AP2A2: variants seen among roughly 807,000 people sequenced by gnomAD.
AP2A2 encodes AP-2 complex subunit alpha-2.
A neutral mutation model predicts 104.2 loss-of-function variants in AP2A2; 32 were observed. The ratio of observed to expected loss-of-function variants is 0.31; its 90% CI spans 0.23 to 0.41. AP2A2 has a LOEUF of 0.41. Among genes scored for constraint, AP2A2 ranks in the 10% least tolerant of loss-of-function variants. The pLI, the probability that AP2A2 is intolerant of heterozygous loss-of-function variation, is 1.00. For missense variants in AP2A2, 912 were observed against 1,261.0 expected (o/e 0.72, Z 4.19); for synonymous variants, 539 against 533.3 (o/e 1.01, Z -0.15).
At position 995,866 on chromosome 11, in the gene AP2A2, C is replaced by T. The variant is rs898485479; in HGVS notation, c.1956+1621C>T. On this transcript the variant is annotated intron_variant, in intron 14 of 21. Transcript: ENST00000448903. The stretch of plus-strand genomic sequence containing the variant: ...TCTGGAGGCTTGAATTGCCTGTGAG[C>T]TCATCCTGGAGTGAATGAAATGAAT... Among the ~76,000 whole-genome samples the T allele has an allele frequency of 2.0e-5, 3 of 147,942 alleles. No homozygotes were observed. In the East Asian group the frequency reaches 6.2e-4, roughly 30 times the overall value.
intron 1 of AP2A2, chr11:940,592 C>T: frequency 7.4e-6 from 2 of 271,632 alleles, no homozygotes; most frequent in Non-Finnish European, 7.3e-6. Context: ...TTGGTGGCAT[C>T]TGTTTCTTTA....
intron 8 of AP2A2, 45 bp from the exon 9 acceptor site, chr11:986,740 G>A: frequency 6.3e-7 from 1 of 1,598,190 alleles, no homozygotes; most frequent in Non-Finnish European, 8.5e-7. Context: ...AGTTTGTGTT[G>A]CACTTGCTGA....
Position 968,529 on chromosome 11 carries a change from G to A in AP2A2, c.137-1640G>A, listed in dbSNP as rs1252788089. 2.0e-5 allele frequency among the ~76,000 whole-genome samples: 3 copies of A among 152,126 alleles called. No homozygotes were observed. Among genetic ancestry groups the A allele is most frequent in the African/African-American group, 7.2e-5 (3 of 41,428 alleles). ...TCCCCTGTCAGTTATTTTTTCCTTT[G>A]AGAGGTGCTTTGAGTAACAGGGAAG... is the stretch of plus-strand genomic sequence containing the variant. On this transcript the variant is annotated intron_variant, in intron 2 of 21. Coordinates refer to ENST00000448903, the MANE Select transcript of AP2A2 (RefSeq NM_012305.4). This position sits in a 1 kb window ranked among gnomAD's most constrained non-coding sequence, Gnocchi z 4.2.
intron 15 of AP2A2, among the ~76,000 whole-genome samples, chr11:1,001,616 C>T (rs938777842): frequency 1.3e-5 from 2 of 151,882 alleles, no homozygotes; most frequent in East Asian, 1.9e-4. Context: ...TGCAGGTCGC[C>T]GCTTGGGCTG....
chr11:1,003,639 G>T, intron 15 of AP2A2, 83 bp from the exon 16 acceptor site: 1 of 849,430 alleles, frequency 1.2e-6, no homozygotes, highest in Non-Finnish European at 1.8e-6. Flanking sequence ...GCCTCCTCGT[G>T]CTGTGAGTTT....
intron 2 of AP2A2, among the ~76,000 whole-genome samples, chr11:967,235 G>A (rs1419147852): frequency 6.6e-6 from 1 of 152,166 alleles, no homozygotes; most frequent in Non-Finnish European, 1.5e-5. Context: ...ACATTTTATC[G>A]TCTGTGAAGT....
intron 1 of AP2A2, chr11:941,001 C>A: frequency 2.3e-6 from 1 of 444,234 alleles, no homozygotes; most frequent in South Asian, 1.6e-5. Context: ...AGGCCCCTTG[C>A]TCCACACTCC....
rs767516679 is a variant in AP2A2 at position 992,715 on chromosome 11, G to A, written c.1452+30G>A. On this transcript the variant is annotated intron_variant, in intron 11 of 21. Coordinates refer to ENST00000448903, the MANE Select transcript of AP2A2 (RefSeq NM_012305.4). The surrounding 1 kb of genome is among the most constrained non-coding windows in gnomAD (Gnocchi z 6.4). ...GGCCCGCAGGATGGCAGGAAGGATG[G>A]GGTGGAGGGCAGTTGCAGAAGGTGA... The A allele has an allele frequency of 1.2e-6, 2 of 1,612,796 alleles. No individual in the cohort carries two copies. The highest frequency in any genetic ancestry group is 1.1e-5 in the South Asian group (1 of 91,040).
intron 2 of AP2A2, among the ~76,000 whole-genome samples, chr11:964,560 C>G (rs1358181872): frequency 6.6e-6 from 1 of 152,152 alleles, no homozygotes; most frequent in Non-Finnish European, 1.5e-5. Context: ...GGTAGGCAGC[C>G]TGCATGTAAG....
At chr11:1,005,608 G>T (rs1466904593) in intron 16 of AP2A2, among the ~76,000 whole-genome samples, 1 of 152,214 alleles carries the variant, frequency 6.6e-6, no homozygotes, top group East Asian at 1.9e-4. Flanking sequence ...TCCTCTCAGC[G>T]CCTGCCTTGA....
In AP2A2 at chr11:970,312, G is replaced by A; in HGVS notation, c.279+1G>A. The A allele has an allele frequency of 6.2e-7, 1 of 1,613,358 alleles. No individual in the cohort carries two copies. ...AAACAGATACACGGAAAAGCAGATCGTGAGTATCGCTGCAGGTGGAGACGG... is the reference window on the plus strand; with the variant it reads ...AAACAGATACACGGAAAAGCAGATCATGAGTATCGCTGCAGGTGGAGACGG... On this transcript the variant is annotated splice_donor_variant, in intron 3 of 21. Coordinates refer to ENST00000448903, the MANE Select transcript of AP2A2 (RefSeq NM_012305.4). LOFTEE classifies it high-confidence loss of function.
At chr11:986,375 A>G (rs1010829335) in intron 8 of AP2A2, among the ~76,000 whole-genome samples, 4 of 152,190 alleles carry the variant, frequency 2.6e-5, no homozygotes, top group South Asian at 2.1e-4. Context: ...TCCTGAGGAG[A>G]CAGTAGAGTC....
chr11:941,300 G>A (rs10751665), intron 1 of AP2A2, among the ~76,000 whole-genome samples: 72,781 of 151,864 alleles, frequency 0.48, 18,362 homozygotes, highest in Middle Eastern at 0.66. Flanking sequence ...CCATTGCTTG[G>A]CAATGTCCAG....
chr11:941,155 G>T lies in AP2A2; in HGVS notation c.67+15067G>T, dbSNP rs117090447. Among the ~76,000 whole-genome samples, 673 of 152,302 alleles carry T rather than the reference G, an allele frequency of 4.4e-3. 5 individuals are homozygous for T. The highest frequency in any genetic ancestry group is 0.025 in the South Asian group (120 of 4,820). Reference sequence around the variant, plus strand: ...CTTGAAGCCCATCCTCCTGACATCGGTCTCCTGAGGTTCCTTTCATTCCCA... The same window carrying T: ...CTTGAAGCCCATCCTCCTGACATCGTTCTCCTGAGGTTCCTTTCATTCCCA... On this transcript the variant is annotated intron_variant, in intron 1 of 21. Transcript: ENST00000448903.
chr11:954,437 T>C (rs973904547), intron 1 of AP2A2, among the ~76,000 whole-genome samples: 2 of 152,156 alleles, frequency 1.3e-5, no homozygotes, highest in Non-Finnish European at 2.9e-5. Context: ...TGTGTTTATG[T>C]GTATGTATGT....
intron 7 of AP2A2, 109 bp downstream of exon 7, chr11:984,862 C>A: frequency 1.0e-6 from 1 of 959,400 alleles, no homozygotes; most frequent in Non-Finnish European, 1.6e-6. Context: ...CTAGCCCTGT[C>A]TCTTGATTCA....
At chr11:999,609 G>T (rs1187476611) in intron 14 of AP2A2, among the ~76,000 whole-genome samples, 1 of 152,204 alleles carries the variant, frequency 6.6e-6, no homozygotes, top group Non-Finnish European at 1.5e-5. Flanking sequence ...GATTACAGGT[G>T]TGGGGCACCA....
intron 10 of AP2A2, chr11:988,899 G>T: frequency 1.6e-6 from 1 of 637,206 alleles, no homozygotes; most frequent in South Asian, 1.9e-5. Flanking sequence ...TGAGGTGGAG[G>T]CGGGAGGATC....
rs1335428612 is a variant in AP2A2 at position 988,542 on chromosome 11, T to C, written c.1132-10T>C. 1 of 1,609,344 alleles carries C rather than the reference T, an allele frequency of 6.2e-7. No homozygotes were observed. ...TCCTGCGACCTCTTACTCTGTGCCT[T>C]GTTCCCCAGACTGAGCGGGACGTGA... is the stretch of plus-strand genomic sequence containing the variant. On this transcript the variant is annotated splice_polypyrimidine_tract_variant and intron_variant, in intron 9 of 21. Coordinates refer to ENST00000448903, the MANE Select transcript of AP2A2 (RefSeq NM_012305.4).
Sources: gnomAD v4.1 joint callset for allele counts (sites outside exome capture counted in the v4.1 genomes callset) on GRCh38, gnomAD v4.1.1 for gene constraint, Gnocchi (gnomAD v3.1) non-coding constraint, MANE v1.5 for transcripts, NCBI Gene and HGNC (gene_info 2026-07-23, HGNC 2026-07-21) for gene names.